Variants in RAB23 observed in about 807,000 individuals in gnomAD.
RAB23 encodes the protein ras-related protein Rab-23.
RAB23 carries 15 observed loss-of-function variants against 30.0 expected under a neutral mutation model. The observed-to-expected ratio is 0.50, with a 90% CI of 0.33 to 0.77. The LOEUF (loss-of-function observed/expected upper bound fraction) is 0.77, where lower values mean the gene tolerates loss of function less well. Among genes scored for constraint, RAB23 ranks in the 30% least tolerant of loss-of-function variants. The pLI, the probability that RAB23 is intolerant of heterozygous loss-of-function variation, is 0.02. For missense variants in RAB23, 243 were observed against 275.4 expected (o/e 0.88, Z 0.83); for synonymous variants, 93 against 94.0 (o/e 0.99, Z 0.06).
At chr6:57,212,974 C>T (rs886171840) in intron 1 of RAB23, among the ~76,000 whole-genome samples, 1 of 152,026 alleles carries the variant, frequency 6.6e-6, no homozygotes, top group African/African-American at 2.4e-5. Context: ...CAGTGGTTCC[C>T]AACCATTTTG....
chr6:57,191,224 GCT>G (rs1432691726), intron 6 of RAB23, among the ~76,000 whole-genome samples: 1 of 152,042 alleles, frequency 6.6e-6, no homozygotes, highest in Non-Finnish European at 1.5e-5. Context: ...TCACATTAGG[GCT>G]CTTTTTTACC....
intron 3 of RAB23, among the ~76,000 whole-genome samples, chr6:57,197,614 A>G (rs2127999040): frequency 6.6e-6 from 1 of 152,338 alleles, no homozygotes; most frequent in East Asian, 1.9e-4. Flanking sequence ...TAGTCTGTAT[A>G]TCTATATATC....
At chr6:57,195,111 C>A (rs1239988677) in intron 4 of RAB23, among the ~76,000 whole-genome samples, 1 of 152,146 alleles carries the variant, frequency 6.6e-6, no homozygotes, top group Non-Finnish European at 1.5e-5. Flanking sequence ...GAAATAAACA[C>A]CAACTGTTAT....
intron 2 of RAB23, among the ~76,000 whole-genome samples, chr6:57,209,035 T>C (rs556032613): frequency 6.6e-6 from 1 of 152,312 alleles, no homozygotes; most frequent in Admixed American, 6.5e-5. Flanking sequence ...TTAGGAATGC[T>C]AGACAGCACT....
Position 57,187,575 on chromosome 6 carries a change from A to G in RAB23, c.*2886T>C, listed in dbSNP as rs1764650059. On this transcript the variant is annotated 3_prime_UTR_variant, in exon 7 of 7. Transcript: ENST00000468148. ...ATTAATGGGAACATTTTATCAGGTT[A>G]GCAGTAACTATTTCAAAGGTTTTGA... The G allele has an allele frequency of 6.6e-6, 1 of 152,216 alleles. No homozygotes were observed. Among genetic ancestry groups the G allele is most frequent in the Non-Finnish European group, 1.5e-5 (1 of 68,018 alleles). The allele number at this position is 152,216 out of a possible 1,614,324, so 9.4% of individuals were successfully genotyped here. A position where few individuals can be genotyped will look rare whatever the true frequency, so the allele number is the denominator to read the frequency against.
chr6:57,202,096 CATT>C (rs890451864), intron 3 of RAB23, among the ~76,000 whole-genome samples: 2 of 152,114 alleles, frequency 1.3e-5, no homozygotes, highest in Admixed American at 6.6e-5. Context: ...TTTTATGCAT[CATT>C]AATAACACAT....
rs950923532 is a variant in RAB23, at chr6:57,187,133, C to T, written c.*3328G>A. On this transcript the variant is annotated 3_prime_UTR_variant, in exon 7 of 7. Transcript: ENST00000468148. Reference sequence around the variant, plus strand: ...ACAAGTGGTTTTCCATTCAAATTTACAAAAGCATTATTTATTAGTAATAAA... The same window carrying T: ...ACAAGTGGTTTTCCATTCAAATTTATAAAAGCATTATTTATTAGTAATAAA... The T allele has an allele frequency of 2.6e-5, 4 of 152,110 alleles. No individual in the cohort carries two copies. Among genetic ancestry groups the T allele is most frequent in the African/African-American group, 9.7e-5 (4 of 41,422 alleles). The allele number at this position is 152,110 out of a possible 1,614,324, so 9.4% of individuals were successfully genotyped here.
intron 6 of RAB23, 35 bp from the exon 7 acceptor site, chr6:57,190,635 G>A (rs746625621): frequency 1.9e-6 from 3 of 1,610,880 alleles, no homozygotes; most frequent in East Asian, 2.2e-5. Context: ...GATTGCCACT[G>A]ACACGCCTGA....
intron 3 of RAB23, among the ~76,000 whole-genome samples, chr6:57,204,316 A>C (rs1359292396): frequency 6.6e-6 from 1 of 152,194 alleles, no homozygotes; most frequent in Non-Finnish European, 1.5e-5. Context: ...GCTATTCAAT[A>C]TATCTATTCT....
chr6:57,220,254 A>G (rs886426065), intron 1 of RAB23, among the ~76,000 whole-genome samples: 34 of 152,220 alleles, frequency 2.2e-4, no homozygotes, highest in Admixed American at 1.8e-3. Flanking sequence ...AACTGACACT[A>G]TCAAATGCTG....
chr6:57,210,793 G>C (rs755467537), intron 1 of RAB23, among the ~76,000 whole-genome samples: 49 of 152,276 alleles, frequency 3.2e-4, no homozygotes, highest in Non-Finnish European at 5.9e-4. Flanking sequence ...ACTTCTTCAG[G>C]CTTCTGTTTC....
intron 1 of RAB23, among the ~76,000 whole-genome samples, chr6:57,212,961 G>A (rs146048466): frequency 6.6e-6 from 1 of 152,124 alleles, no homozygotes; most frequent in African/African-American, 2.4e-5. Context: ...AGATGGTCTA[G>A]GGCAGTGGTT....
intron 1 of RAB23, among the ~76,000 whole-genome samples, chr6:57,215,365 G>A (rs1765801624): frequency 6.6e-6 from 1 of 152,152 alleles, no homozygotes; most frequent in South Asian, 2.1e-4. Context: ...ACAAATCAAA[G>A]TCAAACTTCT....
intron 1 of RAB23, among the ~76,000 whole-genome samples, chr6:57,217,065 GA>G (rs1178262394): frequency 6.6e-6 from 1 of 151,948 alleles, no homozygotes; most frequent in African/African-American, 2.4e-5. Context: ...TAAAATAATG[GA>G]AATCATACAG....
At chr6:57,202,282 G>A (rs1285376569) in intron 3 of RAB23, among the ~76,000 whole-genome samples, 14 of 152,034 alleles carry the variant, frequency 9.2e-5, no homozygotes, top group Admixed American at 8.5e-4. Context: ...TGATTGCCTA[G>A]GTGGCATCTC....
In RAB23 at chr6:57,190,482, A is replaced by G. The variant is rs1764796444; in HGVS notation, c.693T>C (p.Phe231=). The change falls in exon 7 of 7, where the codon TTT becomes TTC. Residue 231 remains phenylalanine (F), a synonymous_variant. Coordinates refer to ENST00000468148, the MANE Select transcript of RAB23 (RefSeq NM_016277.5). ...CATCTTAGGGTATGCTACAGCTGCTAAAAGGATTTCTGTTTTTCTTGGTCC... is the reference window on the plus strand; with the variant it reads ...CATCTTAGGGTATGCTACAGCTGCTGAAAGGATTTCTGTTTTTCTTGGTCC... ...KQRTKKNRNP[F]SSCSIP 3.7e-6 allele frequency: 6 copies of G among 1,614,004 alleles called. No homozygotes were observed. The African/African-American group carries it at 4.0e-5, about 11-fold the overall frequency.
chr6:57,210,046 T>C (rs1177195100), intron 2 of RAB23, among the ~76,000 whole-genome samples, 180 bp downstream of exon 2: 1 of 144,368 alleles, frequency 6.9e-6, no homozygotes, highest in African/African-American at 2.7e-5. Flanking sequence ...AGGGAAGAGA[T>C]GAAAGAAAAA....
At chr6:57,205,630 T>C (rs1015928971) in intron 3 of RAB23, among the ~76,000 whole-genome samples, 21 of 152,156 alleles carry the variant, frequency 1.4e-4, no homozygotes, top group African/African-American at 5.1e-4. Flanking sequence ...CAGAGACTTC[T>C]GAGATGTTAA....
chr6:57,211,499 C>T (rs1435332613), intron 1 of RAB23, among the ~76,000 whole-genome samples: 2 of 152,020 alleles, frequency 1.3e-5, no homozygotes, highest in African/African-American at 4.8e-5. Flanking sequence ...ATTGTAAATC[C>T]TCCATAGTGT....
Sources: allele counts gnomAD v4.1 joint callset (sites outside exome capture counted in the v4.1 genomes callset), GRCh38; gene constraint gnomAD v4.1.1; transcripts MANE v1.5; gene names NCBI Gene and HGNC (gene_info 2026-07-23, HGNC 2026-07-21).